MYH10: variants seen among roughly 807,000 people sequenced by gnomAD.
MYH10 encodes myosin-10.
Under a neutral mutation model 257.8 loss-of-function variants are expected in MYH10, and 55 were observed. The observed-to-expected ratio is 0.21, with a 90% CI of 0.17 to 0.27. The LOEUF (loss-of-function observed/expected upper bound fraction) is 0.27. Among genes scored for constraint, MYH10 ranks in the 10% least tolerant of loss-of-function variants. The probability of loss-of-function intolerance (pLI) is 1.00; values close to 1 mark genes in which losing one functional copy is unlikely to be tolerated. For synonymous variants in MYH10, 854 were observed against 921.7 expected (o/e 0.93, Z 1.33); for missense variants, 1,631 against 2,500.6 (o/e 0.65, Z 7.42).
intron 9 of MYH10, among the ~76,000 whole-genome samples, chr17:8,549,841 A>G (rs4791726): frequency 0.96 from 144,462 of 149,794 alleles, 69,895 homozygotes; most frequent in East Asian, 1. Context: ...TGCGATTGAA[A>G]GCTCGCGCCG....
At position 8,552,802 on chromosome 17, in the gene MYH10, T is replaced by G. The variant is rs1343567706; in HGVS notation, c.821-658A>C. ...TCCCTCTGCTGCTCTGAAGAACCGG[T>G]GCGGCCAGTACCTACGCCTGCTGCT... On this transcript the variant is annotated intron_variant, in intron 8 of 42. Transcript: ENST00000360416. This position sits in a 1 kb window ranked among gnomAD's most constrained non-coding sequence, Gnocchi z 4.8. Among the ~76,000 whole-genome samples the G allele has an allele frequency of 6.6e-6, 1 of 152,202 alleles. No individual in the cohort carries two copies. Among genetic ancestry groups the G allele is most frequent in the Non-Finnish European group, 1.5e-5 (1 of 68,034 alleles).
At chr17:8,539,339 C>T (rs1365493979) in intron 14 of MYH10, among the ~76,000 whole-genome samples, 1 of 152,192 alleles carries the variant, frequency 6.6e-6, no homozygotes, top group East Asian at 1.9e-4. Context: ...TGGAATGCTC[C>T]CTGCACAGCA....
chr17:8,544,749 T>C (rs1370891447), intron 13 of MYH10, among the ~76,000 whole-genome samples: 1 of 152,238 alleles, frequency 6.6e-6, no homozygotes, highest in Non-Finnish European at 1.5e-5. Flanking sequence ...CCAAATTTTA[T>C]GCACCTCCCT....
At chr17:8,501,451 T>G (rs947727446) in intron 28 of MYH10, among the ~76,000 whole-genome samples, 4 of 152,172 alleles carry the variant, frequency 2.6e-5, no homozygotes, top group African/African-American at 7.2e-5. Flanking sequence ...CTGCCTGCCA[T>G]AGCCCCAACA....
At position 8,475,045 on chromosome 17, in the gene MYH10, C is replaced by G. The variant is rs1912290488; in HGVS notation, c.*759G>C. 1 of 152,454 alleles carries G rather than the reference C, an allele frequency of 6.6e-6. No homozygotes were observed. Among genetic ancestry groups the G allele is most frequent in the African/African-American group, 2.4e-5 (1 of 41,462 alleles). The allele number at this position is 152,454 out of a possible 1,614,324, so 9.4% of individuals were successfully genotyped here. A position where few individuals can be genotyped will look rare whatever the true frequency, so the allele number is the denominator to read the frequency against. ...AGAGCCAGGCGGTTCGGGAGACCAT[C>G]TGGAAGTCTACATGATCCATGGCTG... is the stretch of plus-strand genomic sequence containing the variant. On this transcript the variant is annotated 3_prime_UTR_variant, in exon 43 of 43. Coordinates refer to ENST00000360416, the MANE Select transcript of MYH10 (RefSeq NM_001256012.3).
chr17:8,520,415 G>C (rs11871081), intron 19 of MYH10, among the ~76,000 whole-genome samples: 1,640 of 152,292 alleles, frequency 0.011, 34 homozygotes, highest in African/African-American at 0.037. Flanking sequence ...AGAATCGCTT[G>C]AACCTGGGAG....
chr17:8,552,429 C>A lies in MYH10; in HGVS notation c.821-285G>T, dbSNP rs1336042428. Among the ~76,000 whole-genome samples, 1 of 152,150 alleles carries A rather than the reference C, an allele frequency of 6.6e-6. No homozygotes were observed. Among genetic ancestry groups the A allele is most frequent in the Non-Finnish European group, 1.5e-5 (1 of 68,032 alleles). Reference sequence around the variant, plus strand: ...AGCTCCACTCTACCCCATCCTTCCCCTAACTTGGATTACATTCAAAGAATA... The same window carrying A: ...AGCTCCACTCTACCCCATCCTTCCCATAACTTGGATTACATTCAAAGAATA... On this transcript the variant is annotated intron_variant, in intron 8 of 42. Coordinates refer to ENST00000360416, the MANE Select transcript of MYH10 (RefSeq NM_001256012.3). This position sits in a 1 kb window ranked among gnomAD's most constrained non-coding sequence, Gnocchi z 4.8.
Position 8,545,683 on chromosome 17 carries a change from T to C in MYH10, c.1279-83A>G, listed in dbSNP as rs1023108919. The C allele has an allele frequency of 9.8e-6, 14 of 1,421,960 alleles. No homozygotes were observed. The East Asian group carries it at 1.4e-4, about 14-fold the overall frequency. 88.1% of individuals were successfully genotyped at this position (1,421,960 alleles called of 1,614,324 possible). On this transcript the variant is annotated intron_variant, in intron 12 of 42. Coordinates refer to ENST00000360416, the MANE Select transcript of MYH10 (RefSeq NM_001256012.3). This position sits in a 1 kb window ranked among gnomAD's most constrained non-coding sequence, Gnocchi z 4.7. Reference sequence around the variant, plus strand: ...AGCTGTTTTACGGAATTTAATGTTATACAGCACTCAAAAAACCTGAGATGG... The same window carrying C: ...AGCTGTTTTACGGAATTTAATGTTACACAGCACTCAAAAAACCTGAGATGG...
At chr17:8,617,060 G>GA (rs963694230) in intron 2 of MYH10, among the ~76,000 whole-genome samples, 171 of 141,884 alleles carry the variant, frequency 1.2e-3, no homozygotes, top group African/African-American at 3.0e-3. Context: ...TAGCCATATG[G>GA]AAAAAAAAAA....
chr17:8,571,054 C>T (rs1390155476), intron 6 of MYH10, among the ~76,000 whole-genome samples: 1 of 152,196 alleles, frequency 6.6e-6, no homozygotes, highest in African/African-American at 2.4e-5. Flanking sequence ...CCTCAAGCTA[C>T]GTGGATGTCA....
At chr17:8,499,131 T>G in intron 30 of MYH10, 139 bp downstream of exon 30, 1 of 711,682 alleles carries the variant, frequency 1.4e-6, no homozygotes, top group African/African-American at 1.8e-5. Context: ...CACCTAAGAC[T>G]CGATGTATTT....
At chr17:8,603,033 A>G (rs1837082027) in intron 3 of MYH10, among the ~76,000 whole-genome samples, 1 of 152,232 alleles carries the variant, frequency 6.6e-6, no homozygotes, top group Admixed American at 6.5e-5. Context: ...AAAGCCACAG[A>G]GCCAACAATT....
chr17:8,539,936 A>G (rs1434447023), intron 14 of MYH10, among the ~76,000 whole-genome samples: 2 of 152,146 alleles, frequency 1.3e-5, no homozygotes, highest in Admixed American at 1.3e-4. Flanking sequence ...ATATTTACAC[A>G]TAAGGCCTGG....
At chr17:8,611,663 A>C (rs1378688902) in intron 2 of MYH10, among the ~76,000 whole-genome samples, 1 of 152,226 alleles carries the variant, frequency 6.6e-6, no homozygotes, top group Admixed American at 6.5e-5. Flanking sequence ...CTGAAGAAAC[A>C]ATTAGTTACA....
chr17:8,572,865 T>C (rs1597863984), intron 6 of MYH10, among the ~76,000 whole-genome samples: 1 of 152,180 alleles, frequency 6.6e-6, no homozygotes, highest in Non-Finnish European at 1.5e-5. Flanking sequence ...TCATAACATA[T>C]AGAAATTAAC....
intron 26 of MYH10, among the ~76,000 whole-genome samples, chr17:8,507,644 G>A (rs1355755663): frequency 3.3e-5 from 5 of 152,198 alleles, no homozygotes; most frequent in African/African-American, 7.2e-5. Flanking sequence ...GCCCACCAAA[G>A]AACAGTATCT....
intron 6 of MYH10, among the ~76,000 whole-genome samples, chr17:8,572,228 CTGTGTG>C (rs1291381550): frequency 8.7e-5 from 7 of 80,266 alleles, no homozygotes; most frequent in African/African-American, 3.2e-4. Context: ...CTTTTCCTCT[CTGTGTG>C]TGTGTGTGTG....
chr17:8,481,379 T>C lies in MYH10; in HGVS notation c.5207A>G (p.His1736Arg). Residue 1736 changes from histidine to arginine, a missense_variant, in exon 38 of 43, where the codon CAC becomes CGC. His to Arg is a conservative substitution (Grantham distance 29). Coordinates refer to ENST00000360416, the MANE Select transcript of MYH10 (RefSeq NM_001256012.3). Reference protein sequence around the residue: ...ELASSERARRHAEQERDELAD... With the variant: ...ELASSERARRRAEQERDELAD... ...CAGCTCATCTCTCTCCTGCTCGGCG[T>C]GTCGGCGGGCTCGCTCAGATGAGGC... The C allele has an allele frequency of 1.9e-6, 3 of 1,614,094 alleles. No individual in the cohort carries two copies. The highest frequency in any genetic ancestry group is 1.3e-5 in the African/African-American group (1 of 75,054).
At chr17:8,487,955 T>C (rs919000672) in intron 35 of MYH10, among the ~76,000 whole-genome samples, 1 of 152,090 alleles carries the variant, frequency 6.6e-6, no homozygotes, top group Admixed American at 6.5e-5. Context: ...CATGGGGTGG[T>C]TGCTAAGAGG....
Sources: allele counts gnomAD v4.1 joint callset (sites outside exome capture counted in the v4.1 genomes callset), GRCh38; gene constraint gnomAD v4.1.1; non-coding constraint Gnocchi (gnomAD v3.1); transcripts MANE v1.5; gene names NCBI Gene and HGNC (gene_info 2026-07-23, HGNC 2026-07-21).